Variants in COIL observed in about 807,000 individuals in gnomAD.
COIL encodes coilin.
Under a neutral mutation model 51.6 loss-of-function variants are expected in COIL, and 28 were observed. That is an observed-to-expected ratio of 0.54 (90% CI 0.40 to 0.74). The LOEUF is 0.74. Among genes scored for constraint, COIL ranks in the 30% least tolerant of loss-of-function variants. The probability of loss-of-function intolerance (pLI) is 0.00; values close to 1 mark genes in which losing one functional copy is unlikely to be tolerated. For synonymous variants in COIL, 233 were observed against 255.8 expected (o/e 0.91, Z 0.85); for missense variants, 667 against 685.9 (o/e 0.97, Z 0.31).
chr17:56,956,742 C>A (rs1910491450), intron 1 of COIL, among the ~76,000 whole-genome samples: 1 of 152,216 alleles, frequency 6.6e-6, no homozygotes, highest in East Asian at 1.9e-4. Context: ...CAGGCATGTG[C>A]CACCATGCCC....
chr17:56,942,201 A>G, intron 5 of COIL, 78 bp from the exon 6 acceptor site: 2 of 1,153,858 alleles, frequency 1.7e-6, no homozygotes, highest in Non-Finnish European at 1.3e-6. Flanking sequence ...GGGAATTTAT[A>G]TCATTAAGAA....
At chr17:56,942,153 G>A (rs1910162089) in intron 5 of COIL, 30 bp from the exon 6 acceptor site, 2 of 1,546,466 alleles carry the variant, frequency 1.3e-6, no homozygotes, top group East Asian at 2.2e-5. Context: ...AGGAAAGAGA[G>A]TAAGTCATTT....
chr17:56,960,276 C>A (rs1465321049), intron 1 of COIL, among the ~76,000 whole-genome samples: 1 of 151,702 alleles, frequency 6.6e-6, no homozygotes, highest in Non-Finnish European at 1.5e-5. Context: ...GCAATCCCAG[C>A]ACTTTGAGAG....
Position 56,950,085 on chromosome 17 carries a change from GAC to G in COIL, c.1155_1156del (p.Leu387ProfsTer3), listed in dbSNP as rs1372810185. On this transcript the variant is annotated frameshift_variant, in exon 2 of 7. Coordinates refer to ENST00000240316, the MANE Select transcript of COIL (RefSeq NM_004645.3). LOFTEE classifies it high-confidence loss of function. ...TCCTCTTCCTAAACTAGCAGGGAGA[GAC>G]ACACTGGGAGAAGCACCAGGAGCCT... 6.2e-7 allele frequency: 1 copy of G among 1,613,914 alleles called. No homozygotes were observed. Among genetic ancestry groups the G allele is most frequent in the Non-Finnish European group, 8.5e-7 (1 of 1,179,996 alleles).
Position 56,949,920 on chromosome 17 carries a change from T to C in COIL, c.1322A>G (p.Asp441Gly). ...TDNQRQQQLN[D>G]VVKNSSTIIQ... ...AATAGTAGATGAATTTTTTACCACG[T>C]CATTTAATTGCTGTTGCCTCTGGTT... The change falls in exon 2 of 7, where the codon GAC becomes GGC. Residue 441 changes from aspartate (D) to glycine (G), a missense_variant. Physicochemically the swap from Asp to Gly is moderately conservative, Grantham distance 94. Coordinates refer to ENST00000240316, the MANE Select transcript of COIL (RefSeq NM_004645.3). 1 of 1,613,700 alleles carries C rather than the reference T, an allele frequency of 6.2e-7. No individual in the cohort carries two copies. The highest frequency in any genetic ancestry group is 8.5e-7 in the Non-Finnish European group (1 of 1,179,892).
intron 1 of COIL, chr17:56,952,397 T>G: frequency 2.4e-6 from 1 of 414,776 alleles, no homozygotes; most frequent in Non-Finnish European, 4.6e-6. Context: ...CTGGGATTCT[T>G]TTTATAACGA....
chr17:56,953,225 C>A (rs899515526), intron 1 of COIL, among the ~76,000 whole-genome samples: 3 of 151,994 alleles, frequency 2.0e-5, no homozygotes, highest in East Asian at 1.9e-4. Context: ...TCCTGGCTAA[C>A]ACAGTGAAAC....
At chr17:56,942,239 T>C (rs1490979884) in intron 5 of COIL, 116 bp from the exon 6 acceptor site, 3 of 818,202 alleles carry the variant, frequency 3.7e-6, no homozygotes, top group Non-Finnish European at 6.1e-6. Flanking sequence ...TGTCAATTAA[T>C]GTGAAGGCTG....
At chr17:56,955,967 C>T (rs779105156) in intron 1 of COIL, among the ~76,000 whole-genome samples, 1 of 152,136 alleles carries the variant, frequency 6.6e-6, no homozygotes, top group Non-Finnish European at 1.5e-5. Context: ...ATACATCACA[C>T]ACTTTATATA....
At chr17:56,946,544 C>T in intron 4 of COIL, 33 bp from the exon 5 acceptor site, 2 of 1,411,964 alleles carry the variant, frequency 1.4e-6, no homozygotes, top group Non-Finnish European at 2.0e-6. Flanking sequence ...TCAAAATCAA[C>T]ATGTAAAACA....
Position 56,950,863 on chromosome 17 carries a change from T to G in COIL, c.379A>C (p.Lys127Gln). The part of the protein sequence containing the change: ...EEGEETEPDC[K>Q]YSKKHWKSRE... ...CTCTTCCAATGCTTCTTTGAATATT[T>G]GCAATCTGGTTCAGTTTCTTCACCC... Residue 127 changes from lysine to glutamine, a missense_variant, in exon 2 of 7, where the codon AAA (lysine) becomes CAA (glutamine). Lys to Gln is a moderately conservative substitution (Grantham distance 53). Transcript: ENST00000240316. 6.2e-7 allele frequency: 1 copy of G among 1,614,046 alleles called. No homozygotes were observed. The highest frequency in any genetic ancestry group is 8.5e-7 in the Non-Finnish European group (1 of 1,180,038).
At chr17:56,948,389 T>C (rs900208699) in intron 4 of COIL, among the ~76,000 whole-genome samples, 2 of 152,026 alleles carry the variant, frequency 1.3e-5, no homozygotes, top group African/African-American at 2.4e-5. Flanking sequence ...TCCACCCACC[T>C]TGGCCTCCCA....
chr17:56,960,307 T>TGA (rs1377127331), intron 1 of COIL, among the ~76,000 whole-genome samples: 1 of 151,468 alleles, frequency 6.6e-6, no homozygotes, highest in Admixed American at 6.6e-5. Flanking sequence ...GCGGATCAAC[T>TGA]GAGGTCAGGA....
intron 5 of COIL, 56 bp from the exon 6 acceptor site, chr17:56,942,179 T>A: frequency 7.6e-7 from 1 of 1,318,648 alleles, no homozygotes; most frequent in Non-Finnish European, 1.1e-6. Flanking sequence ...TAGTTAAAAA[T>A]GTTCCTCTAT....
rs80262631 is a variant in COIL, at chr17:56,943,218, A to G, written c.1559-1095T>C. ...TTCTAAGTTTGAAACTGCTTTCTAC[A>G]TTTTATCCTTTGAACTTCTAATGTC... On this transcript the variant is annotated intron_variant, in intron 5 of 6. Transcript: ENST00000240316. 2.1e-3 allele frequency among the ~76,000 whole-genome samples: 323 copies of G among 152,294 alleles called. 1 individual carries two copies. The highest frequency in any genetic ancestry group is 0.01 in the East Asian group (52 of 5,188).
chr17:56,949,176 C>T (rs572691584), intron 4 of COIL, among the ~76,000 whole-genome samples: 1 of 152,264 alleles, frequency 6.6e-6, no homozygotes, highest in East Asian at 1.9e-4. Flanking sequence ...TTCTCCTACT[C>T]TATTCTTCCC....
intron 1 of COIL, among the ~76,000 whole-genome samples, chr17:56,960,404 G>A (rs1264836256): frequency 2.3e-5 from 3 of 131,902 alleles, no homozygotes; most frequent in East Asian, 2.3e-4. Flanking sequence ...GACGCCTGTA[G>A]TCCCAGCTAC....
intron 4 of COIL, 93 bp downstream of exon 4, chr17:56,949,294 A>T: frequency 9.9e-7 from 1 of 1,014,024 alleles, no homozygotes. Context: ...ATTTAGTAAA[A>T]AAACAAATCT....
intron 6 of COIL, among the ~76,000 whole-genome samples, chr17:56,941,648 T>G (rs1279165219): frequency 6.6e-6 from 1 of 151,748 alleles, no homozygotes; most frequent in South Asian, 2.1e-4. Context: ...CTTCTGGGAG[T>G]GGGTGTTATG....
Sources: gnomAD v4.1 joint callset for allele counts (sites outside exome capture counted in the v4.1 genomes callset) on GRCh38, gnomAD v4.1.1 for gene constraint, MANE v1.5 for transcripts, NCBI Gene and HGNC (gene_info 2026-07-23, HGNC 2026-07-21) for gene names.